Variants in PIGG observed in about 807,000 individuals in gnomAD.
The protein encoded by PIGG is GPI ethanolamine phosphate transferase 2, catalytic subunit.
PIGG carries 70 observed loss-of-function variants against 83.2 expected under a neutral mutation model. The ratio of observed to expected loss-of-function variants is 0.84; its 90% CI spans 0.69 to 1.03. The LOEUF (loss-of-function observed/expected upper bound fraction) is 1.03, where lower values mean the gene tolerates loss of function less well. Among genes scored for constraint, PIGG ranks in the 50% least tolerant of loss-of-function variants. PIGG has a pLI of 0.00. For synonymous variants in PIGG, 532 were observed against 519.5 expected (o/e 1.02, Z -0.33); for missense variants, 1,257 against 1,233.6 (o/e 1.02, Z -0.28).
At chr4:534,262 T>C (rs1453194622) in intron 12 of PIGG, among the ~76,000 whole-genome samples, 6 of 151,758 alleles carry the variant, frequency 4.0e-5, no homozygotes, top group East Asian at 1.9e-4. Context: ...CACCAGCACA[T>C]GGTTTCTAGA....
Position 505,868 on chromosome 4 carries a change from C to T in PIGG, c.511C>T (p.Pro171Ser). 6.2e-7 allele frequency: 1 copy of T among 1,612,930 alleles called. No homozygotes were observed. The highest frequency in any genetic ancestry group is 8.5e-7 in the Non-Finnish European group (1 of 1,179,814). The change falls in exon 3 of 13, where the codon CCA becomes TCA. Residue 171 changes from proline to serine, a missense_variant. By Grantham distance (74) the Pro-to-Ser change is moderately conservative (BLOSUM62 -1). Transcript: ENST00000453061. ...AGATGAAACCTGGGTTAAATTATTCCCAAAGCATTTTGTGGAATATGATGG... is the reference window on the plus strand; with the variant it reads ...AGATGAAACCTGGGTTAAATTATTCTCAAAGCATTTTGTGGAATATGATGG... ...YGDETWVKLF[P>S]KHFVEYDGTT...
At chr4:503,040 T>C (rs138013398) in intron 2 of PIGG, among the ~76,000 whole-genome samples, 1 of 152,266 alleles carries the variant, frequency 6.6e-6, no homozygotes, top group East Asian at 1.9e-4. Flanking sequence ...TCTTGACTAG[T>C]AATCAGAGCA....
At chr4:503,845 T>TAC (rs56841358) in intron 2 of PIGG, among the ~76,000 whole-genome samples, 29,279 of 145,418 alleles carry the variant, frequency 0.2, 3,053 homozygotes, top group Non-Finnish European at 0.26. Context: ...TGTGATTTTA[T>TAC]ACACACACAC....
Position 507,407 on chromosome 4 carries a change from G to T in PIGG, c.573G>T (p.Val191=). 1.2e-6 allele frequency: 2 copies of T among 1,607,436 alleles called. No homozygotes were observed. Among genetic ancestry groups the T allele is most frequent in the Non-Finnish European group, 1.7e-6 (2 of 1,175,120 alleles). The change falls in exon 4 of 13, where the codon GTG becomes GTT. Residue 191 remains valine, a splice_region_variant and synonymous_variant. Coordinates refer to ENST00000453061, the MANE Select transcript of PIGG (RefSeq NM_001127178.3). ...TSFFVSDYTE[V]DNNVTRHLDK... is the part of the protein sequence containing the mutation. ...ATACGTGTGTTTCCCCTTCAAAGGT[G>T]GATAATAATGTCACGAGGCATTTGG...
chr4:533,860 T>G lies in PIGG; in HGVS notation c.2614T>G (p.Phe872Val), dbSNP rs1729693744. Residue 872 changes from phenylalanine to valine, a missense_variant, in exon 12 of 13, where the codon TTC (phenylalanine) becomes GTC (valine). By Grantham distance (50) the Phe-to-Val change is conservative. Transcript: ENST00000453061. ...NIATVDISAG[F>V]VGLDTYVEIP... Reference sequence around the variant, plus strand: ...TGCCACCGTGGACATCTCCGCAGGCTTCGTGGGCTTAGACACCTACGTGGA... The same window carrying G: ...TGCCACCGTGGACATCTCCGCAGGCGTCGTGGGCTTAGACACCTACGTGGA... The G allele has an allele frequency of 6.2e-7, 1 of 1,614,090 alleles. No individual in the cohort carries two copies. The highest frequency in any genetic ancestry group is 1.3e-5 in the African/African-American group (1 of 74,944).
At chr4:517,291 G>A (rs545486273) in intron 6 of PIGG, among the ~76,000 whole-genome samples, 2 of 152,294 alleles carry the variant, frequency 1.3e-5, no homozygotes, top group South Asian at 4.1e-4. Context: ...CAGGGCCCAG[G>A]CAAGGGTGGT....
rs768311685 is a variant in PIGG, at chr4:516,046, G to A, written c.975G>A (p.Pro325=). Residue 325 remains proline (P), a synonymous_variant, in exon 6 of 13, where the codon CCG becomes CCA. Transcript: ENST00000453061. ...CACTGGCGATAGCACTTGGCTTACC[G>A]ATTCCAAAAGACAGTGTAGGGAGCC... ...AATLAIALGL[P]IPKDSVGSLL... is the part of the protein sequence containing the mutation. 14 of 1,614,046 alleles carry A rather than the reference G, an allele frequency of 8.7e-6. No individual in the cohort carries two copies. Among genetic ancestry groups the A allele is most frequent in the Middle Eastern group, 1.6e-4 (1 of 6,084 alleles).
intron 10 of PIGG, chr4:527,697 T>C: frequency 1.0e-6 from 1 of 985,324 alleles, no homozygotes; most frequent in Non-Finnish European, 1.2e-6. Context: ...TCCTTGTAAT[T>C]TATAACGAGC....
chr4:499,250 G>C lies in PIGG; in HGVS notation c.-86G>C. The C allele has an allele frequency of 6.9e-7, 1 of 1,453,880 alleles. No homozygotes were observed. The allele number at this position is 1,453,880 out of a possible 1,614,324, so 90.1% of individuals were successfully genotyped here. A position where few individuals can be genotyped will look rare whatever the true frequency, so the allele number is the denominator to read the frequency against. ...ATAAGGCCTGGCGTTATTGCTTAGAGGCGGCTACCTGGAGCCGGAAGCGCG... is the reference window on the plus strand; with the variant it reads ...ATAAGGCCTGGCGTTATTGCTTAGACGCGGCTACCTGGAGCCGGAAGCGCG... On this transcript the variant is annotated 5_prime_UTR_variant, in exon 1 of 13. Transcript: ENST00000453061.
chr4:505,973 T>A, intron 3 of PIGG, 46 bp downstream of exon 3: 1 of 1,292,876 alleles, frequency 7.7e-7, no homozygotes, highest in Non-Finnish European at 1.1e-6. Context: ...AATATCATAC[T>A]AGATAGAGCC....
At chr4:518,567 T>G (rs907247946) in intron 6 of PIGG, among the ~76,000 whole-genome samples, 1 of 152,222 alleles carries the variant, frequency 6.6e-6, no homozygotes, top group African/African-American at 2.4e-5. Context: ...CACTCCAGCC[T>G]GGGTGACAGA....
In PIGG at chr4:515,473, C is replaced by A. The variant is rs994949027; in HGVS notation, c.902-500C>A. Among the ~76,000 whole-genome samples the A allele has an allele frequency of 6.6e-6, 1 of 152,236 alleles. No individual in the cohort carries two copies. On this transcript the variant is annotated intron_variant, in intron 5 of 12. Coordinates refer to ENST00000453061, the MANE Select transcript of PIGG (RefSeq NM_001127178.3). The surrounding 1 kb of genome is among the most constrained non-coding windows in gnomAD (Gnocchi z 4.2). The stretch of plus-strand genomic sequence containing the variant: ...TGAACCTGCCTCATTCTGCGCTCCC[C>A]TATAGAAGCACCCACAGCTGCCCAG...
intron 3 of PIGG, 116 bp downstream of exon 3, chr4:506,043 A>T: frequency 1.4e-6 from 1 of 719,352 alleles, no homozygotes; most frequent in Non-Finnish European, 2.3e-6. Flanking sequence ...ATTAATTTAT[A>T]GGGAGTACTA....
intron 11 of PIGG, chr4:530,958 A>G: frequency 3.7e-6 from 2 of 543,500 alleles, no homozygotes; most frequent in Non-Finnish European, 6.4e-6. Flanking sequence ...TTAAGACAGC[A>G]GACTGCTGCT....
intron 11 of PIGG, chr4:533,591 G>T (rs539499305): frequency 1.4e-4 from 82 of 566,594 alleles, no homozygotes; most frequent in African/African-American, 1.0e-3. Flanking sequence ...GTGCCCTTCC[G>T]CAGCCTGGGC....
chr4:525,709 C>G (rs920039625), intron 9 of PIGG: 9 of 152,282 alleles, frequency 5.9e-5, no homozygotes, highest in African/African-American at 2.2e-4. Context: ...TAAGCATTAA[C>G]TAAATTACGA....
intron 11 of PIGG, 66 bp from the exon 12 acceptor site, chr4:533,752 G>C: frequency 6.7e-7 from 1 of 1,486,342 alleles, no homozygotes; most frequent in South Asian, 1.2e-5. Flanking sequence ...CGTGGCTCAC[G>C]CTAACATCGT....
At chr4:502,719 G>A (rs1553876552) in intron 2 of PIGG, among the ~76,000 whole-genome samples, 1 of 152,126 alleles carries the variant, frequency 6.6e-6, no homozygotes, top group Non-Finnish European at 1.5e-5. Flanking sequence ...GGGATGCCAA[G>A]TAGTCCCTAC....
rs908682186 is a variant in PIGG, at chr4:523,968, C to G, written c.2069+55C>G. 11 of 1,104,518 alleles carry G rather than the reference C, an allele frequency of 1.0e-5. No individual in the cohort carries two copies. The East Asian group carries it at 2.9e-4, about 29-fold the overall frequency. 68.4% of individuals were successfully genotyped at this position (1,104,518 alleles called of 1,614,324 possible). On this transcript the variant is annotated intron_variant, in intron 9 of 12. Transcript: ENST00000453061. ...AGACTTTCTACGGCCGATTGGTCAC[C>G]TGCCAAGCTCTTCTTTTTCTAAATT...
Sources: gnomAD v4.1 joint callset for allele counts (sites outside exome capture counted in the v4.1 genomes callset) on GRCh38, gnomAD v4.1.1 for gene constraint, Gnocchi (gnomAD v3.1) non-coding constraint, MANE v1.5 for transcripts, NCBI Gene and HGNC (gene_info 2026-07-23, HGNC 2026-07-21) for gene names.